EML4: variants seen among roughly 807,000 people sequenced by gnomAD.
The protein encoded by EML4 is EMAP like 4, also known as echinoderm microtubule-associated protein-like 4.
EML4 carries 72 observed loss-of-function variants against 129.0 expected under a neutral mutation model. The observed-to-expected ratio is 0.56, with a 90% CI of 0.46 to 0.68. The LOEUF is 0.68. Among genes scored for constraint, EML4 ranks in the 30% least tolerant of loss-of-function variants. EML4 has a pLI of 0.00. For missense variants in EML4, 1,363 were observed against 1,190.6 expected (o/e 1.14, Z -2.13); for synonymous variants, 532 against 405.0 (o/e 1.31, Z -3.77).
At chr2:42,253,034 T>A (rs987123683) in intron 2 of EML4, among the ~76,000 whole-genome samples, 1 of 152,164 alleles carries the variant, frequency 6.6e-6, no homozygotes, top group African/African-American at 2.4e-5. Context: ...AATATTTGAT[T>A]GGTGCATGGA....
At chr2:42,305,691 C>T (rs1363578678) in intron 17 of EML4, among the ~76,000 whole-genome samples, 1 of 152,144 alleles carries the variant, frequency 6.6e-6, no homozygotes, top group Non-Finnish European at 1.5e-5. Context: ...GTCCTTCTCA[C>T]ATTTTTTAAG....
At chr2:42,319,294 G>A (rs1052968890) in intron 19 of EML4, among the ~76,000 whole-genome samples, 18 of 152,198 alleles carry the variant, frequency 1.2e-4, no homozygotes, top group African/African-American at 4.3e-4. Flanking sequence ...ATCCAGAAGA[G>A]AGAGCAATGT....
At chr2:42,283,348 A>AT (rs1667118760) in intron 8 of EML4, among the ~76,000 whole-genome samples, 2 of 152,188 alleles carry the variant, frequency 1.3e-5, no homozygotes. Flanking sequence ...ATGTAGATAA[A>AT]TTTTATACTT....
intron 6 of EML4, among the ~76,000 whole-genome samples, chr2:42,269,886 A>C (rs1666272501): frequency 6.6e-6 from 1 of 152,202 alleles, no homozygotes; most frequent in Non-Finnish European, 1.5e-5. Flanking sequence ...AAGGGAAGCA[A>C]AGTGATATAG....
chr2:42,292,060 A>T (rs562512274), intron 11 of EML4, among the ~76,000 whole-genome samples: 1 of 152,220 alleles, frequency 6.6e-6, no homozygotes, highest in Non-Finnish European at 1.5e-5. Flanking sequence ...GATAATAGCC[A>T]TATTATCTCT....
At chr2:42,310,253 A>C (rs907012896) in intron 17 of EML4, among the ~76,000 whole-genome samples, 3 of 152,022 alleles carry the variant, frequency 2.0e-5, no homozygotes, top group African/African-American at 7.3e-5. Context: ...TGTAAGGCCT[A>C]ATGGATCTTT....
At chr2:42,280,288 A>G (rs1666933469) in intron 6 of EML4, among the ~76,000 whole-genome samples, 1 of 152,216 alleles carries the variant, frequency 6.6e-6, no homozygotes, top group East Asian at 1.9e-4. Flanking sequence ...TATTTTAATT[A>G]TCAAAAAATT....
intron 10 of EML4, among the ~76,000 whole-genome samples, chr2:42,286,882 A>G (rs1572692744): frequency 6.6e-6 from 1 of 152,220 alleles, no homozygotes; most frequent in Non-Finnish European, 1.5e-5. Flanking sequence ...AATTGATGAC[A>G]ACATGGGTTT....
At chr2:42,254,612 CTTGAGT>C (rs1227302941) in intron 2 of EML4, among the ~76,000 whole-genome samples, 1 of 67,026 alleles carries the variant, frequency 1.5e-5, no homozygotes, top group Non-Finnish European at 2.9e-5. Context: ...TTAATACCCT[CTTGAGT>C]TTTTTTTTTT....
At chr2:42,295,565 C>G (rs1667901243) in intron 13 of EML4, 49 bp downstream of exon 13, 2 of 1,532,744 alleles carry the variant, frequency 1.3e-6, no homozygotes, top group Non-Finnish European at 1.8e-6. Context: ...TCACATAGTA[C>G]TCTTTCAGTC....
intron 10 of EML4, among the ~76,000 whole-genome samples, chr2:42,287,719 G>C (rs893302797): frequency 6.6e-6 from 1 of 152,120 alleles, no homozygotes; most frequent in African/African-American, 2.4e-5. Flanking sequence ...ATTTTACTTA[G>C]GTTGTTTATT....
intron 3 of EML4, among the ~76,000 whole-genome samples, chr2:42,260,162 G>C (rs148530270): frequency 6.6e-6 from 1 of 151,278 alleles, no homozygotes; most frequent in African/African-American, 2.4e-5. Flanking sequence ...ACCACACCCG[G>C]GCTCTGTGAT....
intron 21 of EML4, 92 bp from the exon 22 acceptor site, chr2:42,328,794 T>A: frequency 9.4e-7 from 1 of 1,068,946 alleles, no homozygotes; most frequent in South Asian, 2.0e-5. Context: ...AGATAAAAGC[T>A]AAACAGATTC....
intron 1 of EML4, among the ~76,000 whole-genome samples, chr2:42,219,196 A>AGGGGGCTGTT (rs1673395436): frequency 6.6e-6 from 1 of 152,192 alleles, no homozygotes; most frequent in Non-Finnish European, 1.5e-5. Context: ...TTCATAAGGA[A>AGGGGGCTGTT]ATACAGTTGA....
intron 14 of EML4, 131 bp from the exon 15 acceptor site, chr2:42,302,967 TAGTATG>T: frequency 1.5e-6 from 1 of 667,388 alleles, no homozygotes; most frequent in Non-Finnish European, 2.6e-6. Flanking sequence ...AAATTAGTAG[TAGTATG>T]AGATTACCAT....
intron 1 of EML4, among the ~76,000 whole-genome samples, chr2:42,175,981 TC>T (rs1342676518): frequency 4.6e-5 from 7 of 152,256 alleles, no homozygotes; most frequent in African/African-American, 1.7e-4. Flanking sequence ...TCTGTTTTTT[TC>T]GTTGGATCCT....
intron 13 of EML4, among the ~76,000 whole-genome samples, chr2:42,296,785 C>T (rs1667983024): frequency 6.6e-6 from 1 of 152,104 alleles, no homozygotes; most frequent in Non-Finnish European, 1.5e-5. Context: ...TTTCGCATTA[C>T]TGTTTTCTTA....
intron 1 of EML4, among the ~76,000 whole-genome samples, chr2:42,172,602 T>A (rs753816901): frequency 1.3e-5 from 2 of 152,166 alleles, no homozygotes; most frequent in African/African-American, 4.8e-5. Flanking sequence ...GTATTATTAA[T>A]ATATCTTTTA....
intron 6 of EML4, among the ~76,000 whole-genome samples, chr2:42,273,978 G>C (rs1417953464): frequency 2.3e-4 from 35 of 152,036 alleles, no homozygotes; most frequent in Admixed American, 2.3e-3. Context: ...TCTTTTGTTT[G>C]GATAAAGAAC....
Sources: allele counts gnomAD v4.1 joint callset (sites outside exome capture counted in the v4.1 genomes callset), GRCh38; gene constraint gnomAD v4.1.1; transcripts MANE v1.5; gene names NCBI Gene and HGNC (gene_info 2026-07-23, HGNC 2026-07-21).